Variants in CNTN4 observed in about 807,000 individuals in gnomAD.
CNTN4 encodes the protein contactin-4.
Under a neutral mutation model 122.5 loss-of-function variants are expected in CNTN4, and 77 were observed. That is an observed-to-expected ratio of 0.63 (90% CI 0.52 to 0.76). CNTN4 has a LOEUF of 0.76. Among genes scored for constraint, CNTN4 ranks in the 30% least tolerant of loss-of-function variants. CNTN4 has a pLI of 0.00. For missense variants in CNTN4, 1,256 were observed against 1,259.1 expected, an observed-to-expected ratio of 1.00 and a Z score of 0.04; for synonymous variants, 512 against 447.0, an observed-to-expected ratio of 1.15 and a Z score of -1.83.
chr3:2,965,852 A>T (rs1692249799), intron 13 of CNTN4, among the ~76,000 whole-genome samples: 1 of 152,134 alleles, frequency 6.6e-6, no homozygotes, highest in Non-Finnish European at 1.5e-5. Flanking sequence ...TCTAACTCCT[A>T]CATATCCCTT....
chr3:2,903,123 C>A, intron 12 of CNTN4, 118 bp downstream of exon 12: 1 of 967,716 alleles, frequency 1.0e-6, no homozygotes, highest in Non-Finnish European at 1.6e-6. Context: ...ATCTTTAGGC[C>A]AAAGATGCTA....
At chr3:2,752,677 C>T (rs936002066) in intron 6 of CNTN4, among the ~76,000 whole-genome samples, 1 of 152,124 alleles carries the variant, frequency 6.6e-6, no homozygotes. Flanking sequence ...ACTGTAGTCA[C>T]CCTGTGGTAC....
rs1001732645 is a variant in CNTN4 at position 2,878,561 on chromosome 3, G to C, written c.653-4584G>C. On this transcript the variant is annotated intron_variant, in intron 8 of 24. Transcript: ENST00000418658. ...AACAGAAGAGATGCTCTCTGTGTGT[G>C]TGTGTGTGTGTGTGTGTGTGTGTGT... is the stretch of plus-strand genomic sequence containing the variant. Among the ~76,000 whole-genome samples the C allele has an allele frequency of 2.1e-3, 315 of 146,548 alleles. 2 individuals are homozygous for C. Among genetic ancestry groups the C allele is most frequent in the Middle Eastern group, 3.4e-3 (1 of 294 alleles).
chr3:2,989,517 T>G (rs956299532), intron 14 of CNTN4, among the ~76,000 whole-genome samples: 14 of 152,198 alleles, frequency 9.2e-5, no homozygotes, highest in African/African-American at 3.4e-4. Flanking sequence ...AAGCTAAAAA[T>G]TACCTAATTA....
At chr3:2,548,174 T>C (rs985020999) in intron 3 of CNTN4, among the ~76,000 whole-genome samples, 100 of 152,194 alleles carry the variant, frequency 6.6e-4, no homozygotes, top group African/African-American at 2.3e-3. Context: ...AGCTCTTTAC[T>C]GTAATTAGAT....
intron 7 of CNTN4, among the ~76,000 whole-genome samples, chr3:2,855,595 G>A (rs990313273): frequency 6.6e-6 from 1 of 152,210 alleles, no homozygotes; most frequent in South Asian, 2.1e-4. Flanking sequence ...CTTTCCTTGT[G>A]CATAGAGATG....
chr3:2,890,211 A>G (rs1047490672), intron 10 of CNTN4, among the ~76,000 whole-genome samples: 8 of 152,248 alleles, frequency 5.3e-5, no homozygotes, highest in African/African-American at 1.9e-4. Context: ...AATTGTTTTC[A>G]TTGTCACAGC....
chr3:2,570,352 T>G (rs1044457165), intron 3 of CNTN4, among the ~76,000 whole-genome samples: 1 of 151,920 alleles, frequency 6.6e-6, no homozygotes, highest in African/African-American at 2.4e-5. Flanking sequence ...TTTTAAAAAT[T>G]TTCCGTAAAG....
chr3:2,367,105 T>G lies in CNTN4; in HGVS notation c.-89+27872T>G, dbSNP rs182424327. Among the ~76,000 whole-genome samples, 693 of 152,216 alleles carry G rather than the reference T, an allele frequency of 4.6e-3. 9 individuals carry two copies. The highest frequency in any genetic ancestry group is 0.015 in the African/African-American group (633 of 41,524). On this transcript the variant is annotated intron_variant, in intron 3 of 24. Coordinates refer to ENST00000418658, the MANE Select transcript of CNTN4 (RefSeq NM_175607.3). ...TCTCTGTGGTGTGTGTATGTGTGTG[T>G]ATGAGTACAGAAATGGTATATAATA...
chr3:2,928,357 A>G (rs1405095987), intron 13 of CNTN4, among the ~76,000 whole-genome samples: 1 of 152,212 alleles, frequency 6.6e-6, no homozygotes, highest in Non-Finnish European at 1.5e-5. Flanking sequence ...CAGAGAAGAG[A>G]TTCTGCCATT....
chr3:2,157,137 T>C (rs1367946554), intron 2 of CNTN4, among the ~76,000 whole-genome samples: 1 of 152,210 alleles, frequency 6.6e-6, no homozygotes, highest in Non-Finnish European at 1.5e-5. Context: ...GAAATTTCTG[T>C]CTTACACATT....
chr3:2,418,386 A>T (rs1466740285), intron 3 of CNTN4, among the ~76,000 whole-genome samples: 1 of 152,210 alleles, frequency 6.6e-6, no homozygotes, highest in African/African-American at 2.4e-5. Flanking sequence ...CACAGAAAGT[A>T]TTTACAAATG....
chr3:2,107,534 T>C (rs2032552052), intron 2 of CNTN4, among the ~76,000 whole-genome samples: 2 of 152,172 alleles, frequency 1.3e-5, no homozygotes, highest in Non-Finnish European at 2.9e-5. Context: ...ACTGCTCCCA[T>C]GATCCAGTCA....
intron 3 of CNTN4, among the ~76,000 whole-genome samples, chr3:2,350,501 G>A (rs756345673): frequency 6.6e-6 from 1 of 152,072 alleles, no homozygotes; most frequent in African/African-American, 2.4e-5. Context: ...GAACAAAAGG[G>A]CCAGGAAATT....
At chr3:2,991,639 CAAG>C (rs1695061526) in intron 14 of CNTN4, among the ~76,000 whole-genome samples, 1 of 152,032 alleles carries the variant, frequency 6.6e-6, no homozygotes. Context: ...GCGAGGTCTC[CAAG>C]AAGGACATTA....
chr3:2,228,619 T>C (rs867232692), intron 2 of CNTN4, among the ~76,000 whole-genome samples: 3 of 152,132 alleles, frequency 2.0e-5, no homozygotes, highest in South Asian at 4.1e-4. Context: ...GATGGTATTA[T>C]AGACATATTA....
intron 10 of CNTN4, among the ~76,000 whole-genome samples, chr3:2,898,858 C>G (rs2151114079): frequency 6.6e-6 from 1 of 152,224 alleles, no homozygotes; most frequent in South Asian, 2.1e-4. Flanking sequence ...AATGTGAAAT[C>G]AGGCATGCAA....
rs78219040 is a variant in CNTN4 at position 2,176,811 on chromosome 3, A to C, written c.-145+76172A>C. Among the ~76,000 whole-genome samples, 1,272 of 152,296 alleles carry C rather than the reference A, an allele frequency of 8.4e-3. 17 individuals are homozygous for C. The highest frequency in any genetic ancestry group is 0.028 in the African/African-American group (1,184 of 41,568). On this transcript the variant is annotated intron_variant, in intron 2 of 24. Coordinates refer to ENST00000418658, the MANE Select transcript of CNTN4 (RefSeq NM_175607.3). Reference sequence around the variant, plus strand: ...TATGAAATAAAGAAACTATACTAGCACAAGTAATGCAAGAAATAAACATCA... The same window carrying C: ...TATGAAATAAAGAAACTATACTAGCCCAAGTAATGCAAGAAATAAACATCA...
intron 2 of CNTN4, among the ~76,000 whole-genome samples, chr3:2,220,273 T>TA (rs1361637357): frequency 2.6e-5 from 4 of 152,182 alleles, no homozygotes; most frequent in African/African-American, 9.6e-5. Context: ...TGTGAACACT[T>TA]ATCACCACCT....
Sources: gnomAD v4.1 joint callset for allele counts (sites outside exome capture counted in the v4.1 genomes callset) on GRCh38, gnomAD v4.1.1 for gene constraint, MANE v1.5 for transcripts, NCBI Gene and HGNC (gene_info 2026-07-23, HGNC 2026-07-21) for gene names.